Variants in STKLD1 observed in about 807,000 individuals in gnomAD.
STKLD1 encodes serine/threonine kinase like domain containing 1.
Under a neutral mutation model 80.4 loss-of-function variants are expected in STKLD1, and 79 were observed. The ratio of observed to expected loss-of-function variants is 0.98; its 90% CI spans 0.82 to 1.19. STKLD1 has a LOEUF of 1.19. STKLD1 is among the 50% of genes most tolerant of loss of function. The probability of loss-of-function intolerance (pLI) is 0.00; values close to 1 mark genes in which losing one functional copy is unlikely to be tolerated. For synonymous variants in STKLD1, 393 were observed against 357.6 expected, an observed-to-expected ratio of 1.10 and a Z score of -1.12; for missense variants, 841 against 856.0, an observed-to-expected ratio of 0.98 and a Z score of 0.22.
In STKLD1 at chr9:133,403,655, C is replaced by A. The variant is rs782633629; in HGVS notation, c.1475-45C>A. On this transcript the variant is annotated intron_variant, in intron 14 of 17. Coordinates refer to ENST00000371957, the MANE Select transcript of STKLD1 (RefSeq NM_153710.5). ...GGGGATGGGAAGGCCCCCCTGCACA[C>A]ACCCAAGGCCTGGGTGTCCCCTTCC... The A allele has an allele frequency of 3.8e-6, 6 of 1,593,462 alleles. No homozygotes were observed. The African/African-American group carries it at 5.4e-5, about 14-fold the overall frequency.
intron 12 of STKLD1, 27 bp from the exon 13 acceptor site, chr9:133,401,711 C>CT: frequency 1.2e-6 from 2 of 1,603,624 alleles, no homozygotes; most frequent in Admixed American, 3.4e-5. Flanking sequence ...GGGGCTAACC[C>CT]CAGGCGTCTT....
intron 13 of STKLD1, 149 bp from the exon 14 acceptor site, chr9:133,402,729 T>C: frequency 1.2e-6 from 1 of 817,524 alleles, no homozygotes; most frequent in Non-Finnish European, 1.9e-6. Flanking sequence ...CATCCTCCTG[T>C]TCAGGGCTCC....
chr9:133,396,077 A>C, intron 9 of STKLD1: 1 of 206,212 alleles, frequency 4.8e-6, no homozygotes, highest in East Asian at 1.0e-4. Context: ...AAAATTCCTA[A>C]AGACAATGGT....
rs782089236 is a variant in STKLD1, at chr9:133,403,905, G to A, written c.1604-15G>A. The stretch of plus-strand genomic sequence containing the variant: ...TGGCACAGCAGGCACAAGGCAGCCC[G>A]GCCCCTTTCTGCAGGCTGCATCAAG... On this transcript the variant is annotated splice_polypyrimidine_tract_variant and intron_variant, in intron 15 of 17. Coordinates refer to ENST00000371957, the MANE Select transcript of STKLD1 (RefSeq NM_153710.5). The A allele has an allele frequency of 1.1e-4, 171 of 1,606,722 alleles. No homozygotes were observed. Among genetic ancestry groups the A allele is most frequent in the East Asian group, 1.6e-4 (7 of 44,756 alleles).
At chr9:133,391,834 GATCA>G (rs1283768647) in intron 7 of STKLD1, among the ~76,000 whole-genome samples, 2 of 145,876 alleles carry the variant, frequency 1.4e-5, no homozygotes, top group African/African-American at 2.6e-5. Flanking sequence ...ACCCAAGAAT[GATCA>G]ATTAAAAAAA....
At chr9:133,380,341 G>C (rs2130263319) in intron 2 of STKLD1, among the ~76,000 whole-genome samples, 2 of 151,406 alleles carry the variant, frequency 1.3e-5, no homozygotes, top group African/African-American at 4.8e-5. Flanking sequence ...CACCGCGTCC[G>C]GCCTGAGGAG....
intron 10 of STKLD1, 146 bp downstream of exon 10, chr9:133,397,440 C>A: frequency 9.3e-7 from 1 of 1,076,028 alleles, no homozygotes. Flanking sequence ...CAGTTTCCCT[C>A]CATCCATCCC....
chr9:133,377,420 C>G (rs1408685920), intron 1 of STKLD1, among the ~76,000 whole-genome samples: 1 of 152,264 alleles, frequency 6.6e-6, no homozygotes, highest in Non-Finnish European at 1.5e-5. Flanking sequence ...ATCCCCAACA[C>G]TTTGGGAGGC....
chr9:133,395,856 G>T (rs374745114), intron 9 of STKLD1, 93 bp downstream of exon 9: 1 of 1,304,804 alleles, frequency 7.7e-7, no homozygotes, highest in Non-Finnish European at 1.1e-6. Flanking sequence ...GCTTTGTAAC[G>T]CCTCAAAGAA....
chr9:133,404,797 G>A lies in STKLD1; in HGVS notation c.1741G>A (p.Ala581Thr), dbSNP rs782362080. Residue 581 changes from alanine to threonine, a missense_variant, in exon 17 of 18, where the codon GCC becomes ACC. Transcript: ENST00000371957. ...ASLVKVSELAAFKVVVQEEGG... is the reference protein window; with the variant it reads ...ASLVKVSELATFKVVVQEEGG... Reference sequence around the variant, plus strand: ...TCCCACCCATCCCCCAGAGCTGGCGGCCTTCAAGGTGGTGGTGCAGGAGGA... The same window carrying A: ...TCCCACCCATCCCCCAGAGCTGGCGACCTTCAAGGTGGTGGTGCAGGAGGA... The A allele has an allele frequency of 1.9e-6, 3 of 1,612,634 alleles. No homozygotes were observed. Among genetic ancestry groups the A allele is most frequent in the Admixed American group, 1.7e-5 (1 of 59,906 alleles).
At position 133,404,893 on chromosome 9, in the gene STKLD1, A is replaced by T. The variant is rs1293654122; in HGVS notation, c.1837A>T (p.Asn613Tyr). ...LHRDDPEVVE[N>Y]VGMLLVHLAS... ...CAGGGACGACCCGGAGGTGGTGGAG[A>T]ACGTGGGCATGCTGCTGGTCCACCT... Residue 613 changes from asparagine (N) to tyrosine (Y), a missense_variant, in exon 17 of 18, where the codon AAC (asparagine) becomes TAC (tyrosine). By Grantham distance (143) the Asn-to-Tyr change is moderately radical. Coordinates refer to ENST00000371957, the MANE Select transcript of STKLD1 (RefSeq NM_153710.5). 1.2e-6 allele frequency: 2 copies of T among 1,613,322 alleles called. No individual in the cohort carries two copies. The highest frequency in any genetic ancestry group is 2.7e-5 in the African/African-American group (2 of 74,900).
chr9:133,389,659 C>A lies in STKLD1; in HGVS notation c.467+63C>A. 1 of 1,601,872 alleles carries A rather than the reference C, an allele frequency of 6.2e-7. No homozygotes were observed. The highest frequency in any genetic ancestry group is 8.5e-7 in the Non-Finnish European group (1 of 1,173,206). On this transcript the variant is annotated intron_variant, in intron 6 of 17. Transcript: ENST00000371957. The surrounding 1 kb of genome is among the most constrained non-coding windows in gnomAD (Gnocchi z 6.4). ...GCTTCGGGAGAAAAGGCACTGAGGC[C>A]ACTCGGGTGCCAGTGCCCGTGGGCA...
intron 13 of STKLD1, 84 bp downstream of exon 13, chr9:133,401,962 AG>A: frequency 6.4e-7 from 1 of 1,555,926 alleles, no homozygotes; most frequent in Non-Finnish European, 8.7e-7. Context: ...TTTGGGGTAT[AG>A]GTGGGTTGGA....
chr9:133,393,155 G>A (rs1398539568), intron 7 of STKLD1, among the ~76,000 whole-genome samples: 1 of 144,374 alleles, frequency 6.9e-6, no homozygotes, highest in East Asian at 2.2e-4. Flanking sequence ...GAGTGAATGA[G>A]TGGGTAGGTG....
In STKLD1 at chr9:133,404,056, TG is replaced by T. The variant is rs1554778222; in HGVS notation, c.1732+12del. 6.3e-7 allele frequency: 1 copy of T among 1,590,430 alleles called. No individual in the cohort carries two copies. Among genetic ancestry groups the T allele is most frequent in the East Asian group, 2.2e-5 (1 of 44,680 alleles). ...GCCTGGTGAAGGTGTCAGGTGAGCC[TG>T]GGGACAGGACGAGGCTGCCACCTAG... On this transcript the variant is annotated intron_variant, in intron 16 of 17. Coordinates refer to ENST00000371957, the MANE Select transcript of STKLD1 (RefSeq NM_153710.5).
chr9:133,393,759 AGCCC>A, intron 7 of STKLD1: 1 of 151,828 alleles, frequency 6.6e-6, no homozygotes, highest in Non-Finnish European at 1.5e-5. Context: ...CTTGGAGTCC[AGCCC>A]TTTACTGTTG....
intron 1 of STKLD1, 64 bp from the exon 2 acceptor site, chr9:133,378,972 T>C (rs1838069706): frequency 6.8e-7 from 1 of 1,478,778 alleles, no homozygotes; most frequent in African/African-American, 1.4e-5. Flanking sequence ...GAGTTGGAGC[T>C]GGGCTTTTGG....
In STKLD1 at chr9:133,394,647, A is replaced by C; in HGVS notation, c.702+238A>C. 1 of 504,330 alleles carries C rather than the reference A, an allele frequency of 2.0e-6. No homozygotes were observed. Among genetic ancestry groups the C allele is most frequent in the Non-Finnish European group, 3.6e-6 (1 of 279,408 alleles). The allele number at this position is 504,330 out of a possible 1,614,324, so 31.2% of individuals were successfully genotyped here. A position where few individuals can be genotyped will look rare whatever the true frequency, so the allele number is the denominator to read the frequency against. On this transcript the variant is annotated intron_variant, in intron 8 of 17. Transcript: ENST00000371957. This position sits in a 1 kb window ranked among gnomAD's most constrained non-coding sequence, Gnocchi z 4.9. ...GCAGTGGTAATATTCAGACCATCCC[A>C]CGCGACCCTCGCAGCAGCCCTCCAG... is the stretch of plus-strand genomic sequence containing the variant.
chr9:133,394,773 TGAAC>T lies in STKLD1; in HGVS notation c.702+365_702+368del. 3 of 256,972 alleles carry T rather than the reference TGAAC, an allele frequency of 1.2e-5. No individual in the cohort carries two copies. The highest frequency in any genetic ancestry group is 5.9e-5 in the South Asian group (1 of 17,004). The allele number at this position is 256,972 out of a possible 1,614,324, so 15.9% of individuals were successfully genotyped here. A position where few individuals can be genotyped will look rare whatever the true frequency, so the allele number is the denominator to read the frequency against. On this transcript the variant is annotated intron_variant, in intron 8 of 17. Coordinates refer to ENST00000371957, the MANE Select transcript of STKLD1 (RefSeq NM_153710.5). The surrounding 1 kb of genome is among the most constrained non-coding windows in gnomAD (Gnocchi z 4.9). ...AAGCAACGGGAACCCAGTGTGGGCC[TGAAC>T]ACACCTGGCTGTCTCATGCACAAGC...
Sources: allele counts gnomAD v4.1 joint callset (sites outside exome capture counted in the v4.1 genomes callset), GRCh38; gene constraint gnomAD v4.1.1; non-coding constraint Gnocchi (gnomAD v3.1); transcripts MANE v1.5; gene names NCBI Gene and HGNC (gene_info 2026-07-23, HGNC 2026-07-21).